The following FAM131B variants were observed in gnomAD, a reference collection of about 807,000 sequenced individuals.
FAM131B encodes the protein family with sequence similarity 131 member B.
A neutral mutation model predicts 42.0 loss-of-function variants in FAM131B; 19 were observed. The ratio of observed to expected loss-of-function variants is 0.45; its 90% CI spans 0.32 to 0.66. The LOEUF is 0.66. Among genes scored for constraint, FAM131B ranks in the 30% least tolerant of loss-of-function variants. The pLI, the probability that FAM131B is intolerant of heterozygous loss-of-function variation, is 0.05. For missense variants in FAM131B, 370 were observed against 468.4 expected, an observed-to-expected ratio of 0.79 and a Z score of 1.94; for synonymous variants, 183 against 177.6, an observed-to-expected ratio of 1.03 and a Z score of -0.24.
intron 5 of FAM131B, among the ~76,000 whole-genome samples, chr7:143,357,679 G>T (rs933434648): frequency 6.6e-5 from 10 of 152,140 alleles, no homozygotes; most frequent in Non-Finnish European, 1.5e-4. Flanking sequence ...AGTTATTAAT[G>T]AGATATTTTA....
At chr7:143,370,892 T>A in the FAM131B span, among the ~76,000 whole-genome samples, 1 of 152,156 alleles carries the variant, frequency 6.6e-6, no homozygotes, top group Non-Finnish European at 1.5e-5. Context: ...GATTGGGACT[T>A]CTTTCCAGTA....
the FAM131B span, chr7:143,382,278 G>A: frequency 2.6e-5 from 42 of 1,612,866 alleles, no homozygotes; most frequent in Non-Finnish European, 3.4e-5. Flanking sequence ...CCCCTTGCTG[G>A]GGATGGCGAC....
rs1051369841 is a variant in FAM131B at position 143,358,838 on chromosome 7, C to T, written c.455G>A (p.Arg152His). Residue 152 changes from arginine (R) to histidine (H), a missense_variant, in exon 5 of 7, where the codon CGT (arginine) becomes CAT (histidine). Coordinates refer to ENST00000443739, the MANE Select transcript of FAM131B (RefSeq NM_001031690.3). This position sits in a 1 kb window ranked among gnomAD's most constrained non-coding sequence, Gnocchi z 4.7. ...SDLSDGEKEARFLAGVMEQFA... is the reference protein window; with the variant it reads ...SDLSDGEKEAHFLAGVMEQFA... ...TAGGGTACCTGTACCTGCTAGAAAACGTGCCTCCTTCTCGCCATCGCTGAG... is the reference window on the plus strand; with the variant it reads ...TAGGGTACCTGTACCTGCTAGAAAATGTGCCTCCTTCTCGCCATCGCTGAG... 6.2e-7 allele frequency: 1 copy of T among 1,613,972 alleles called. No homozygotes were observed. The highest frequency in any genetic ancestry group is 8.5e-7 in the Non-Finnish European group (1 of 1,179,954).
At chr7:143,379,527 A>C in the FAM131B span, among the ~76,000 whole-genome samples, 1 of 152,202 alleles carries the variant, frequency 6.6e-6, no homozygotes, top group African/African-American at 2.4e-5. Flanking sequence ...AGACTTAATA[A>C]GGTTGAAGGA....
At chr7:143,375,433 G>T in the FAM131B span, among the ~76,000 whole-genome samples, 9 of 152,102 alleles carry the variant, frequency 5.9e-5, no homozygotes, top group Non-Finnish European at 1.0e-4. Context: ...GACCTGAATA[G>T]GTCCACCTGT....
the FAM131B span, chr7:143,380,031 T>G: frequency 1.0e-6 from 1 of 981,332 alleles, no homozygotes; most frequent in Non-Finnish European, 1.2e-6. The surrounding 1 kb of genome is among the most constrained non-coding windows in gnomAD (Gnocchi z 5.0). Context: ...AGGTGCTCCT[T>G]GCCAGTAGAG....
chr7:143,353,559 T>TTA lies in FAM131B; in HGVS notation c.*2989_*2990dup, dbSNP rs1404314621. 6.6e-6 allele frequency: 1 copy of TTA among 152,456 alleles called. No homozygotes were observed. Among genetic ancestry groups the TTA allele is most frequent in the Non-Finnish European group, 1.5e-5 (1 of 68,026 alleles). The allele number at this position is 152,456 out of a possible 1,614,324, so 9.4% of individuals were successfully genotyped here. ...CCCTTGTGTACATAATCTCTAATAT[T>TTA]TATATATATTGATATAGAATTCTCT... On this transcript the variant is annotated 3_prime_UTR_variant, in exon 7 of 7. Transcript: ENST00000443739.
intron 1 of FAM131B, chr7:143,361,970 G>C: frequency 2.4e-6 from 2 of 849,014 alleles, no homozygotes; most frequent in Non-Finnish European, 2.8e-6. Flanking sequence ...CCCTCCGGGC[G>C]TGGAACCCGG....
At chr7:143,366,703 A>T (rs987984835), upstream of FAM131B, among the ~76,000 whole-genome samples, 1 of 151,446 alleles carries the variant, frequency 6.6e-6, no homozygotes, top group African/African-American at 2.4e-5. Context: ...GACTACAGGC[A>T]CCCGCCACCA....
the FAM131B span, among the ~76,000 whole-genome samples, chr7:143,375,792 G>T: frequency 6.6e-6 from 1 of 152,176 alleles, no homozygotes; most frequent in Non-Finnish European, 1.5e-5. Context: ...CAGCTTCTAG[G>T]CCAGGCTCTC....
chr7:143,371,613 C>CAAAAAAAAAAAAAAA, the FAM131B span, among the ~76,000 whole-genome samples: 7 of 74,990 alleles, frequency 9.3e-5, no homozygotes, highest in African/African-American at 1.5e-4. Context: ...GACCCTGTCT[C>CAAAAAAAAAAAAAAA]AAAAAAAAAA....
At chr7:143,376,857 C>CT in the FAM131B span, among the ~76,000 whole-genome samples, 1 of 152,194 alleles carries the variant, frequency 6.6e-6, no homozygotes, top group South Asian at 2.1e-4. Context: ...TCTCTCCTTT[C>CT]TTTTTTCAGA....
At chr7:143,378,474 C>T in the FAM131B span, among the ~76,000 whole-genome samples, 2 of 151,928 alleles carry the variant, frequency 1.3e-5, no homozygotes, top group Admixed American at 1.3e-4. Flanking sequence ...TTCTTATTTG[C>T]TGTACTTCAC....
At position 143,359,816 on chromosome 7, in the gene FAM131B, T is replaced by G; in HGVS notation, c.139-49A>C. On this transcript the variant is annotated intron_variant, in intron 2 of 6. Coordinates refer to ENST00000443739, the MANE Select transcript of FAM131B (RefSeq NM_001031690.3). This position sits in a 1 kb window ranked among gnomAD's most constrained non-coding sequence, Gnocchi z 5.4. ...TGGGCATCCCAGTCACTCGCAGGAA[T>G]GCAAGGAAGCCCCCTTCCTCAGAGG... The G allele has an allele frequency of 1.3e-6, 2 of 1,531,070 alleles. No homozygotes were observed. 94.8% of individuals were successfully genotyped at this position (1,531,070 alleles called of 1,614,324 possible).
upstream of FAM131B, among the ~76,000 whole-genome samples, chr7:143,367,316 C>A (rs536839004): frequency 2.1e-4 from 32 of 152,284 alleles, no homozygotes; most frequent in Middle Eastern, 6.8e-3. Flanking sequence ...ATGAAAGAGA[C>A]CAGCACAGGA....
rs965890432 is a variant in FAM131B at position 143,354,831 on chromosome 7, G to C, written c.*1719C>G. On this transcript the variant is annotated 3_prime_UTR_variant, in exon 7 of 7. Transcript: ENST00000443739. ...GCTTGCATCCCAGAAGTGTGAGTAA[G>C]AGAGTATGAACTTGATGGCGGGACA... The C allele has an allele frequency of 2.0e-5, 3 of 152,332 alleles. No individual in the cohort carries two copies. Among genetic ancestry groups the C allele is most frequent in the Non-Finnish European group, 4.4e-5 (3 of 68,154 alleles). 9.4% of individuals were successfully genotyped at this position (152,332 alleles called of 1,614,324 possible). A position where few individuals can be genotyped will look rare whatever the true frequency, so the allele number is the denominator to read the frequency against.
the FAM131B span, among the ~76,000 whole-genome samples, chr7:143,379,292 A>G: frequency 2.0e-5 from 3 of 152,346 alleles, no homozygotes; most frequent in African/African-American, 7.2e-5. Context: ...AATCTCCAAC[A>G]TGCACAGGAA....
chr7:143,375,046 C>A, the FAM131B span, among the ~76,000 whole-genome samples: 1 of 152,232 alleles, frequency 6.6e-6, no homozygotes, highest in African/African-American at 2.4e-5. Flanking sequence ...CCTGTCTTTG[C>A]TCATTATTAT....
At position 143,358,562 on chromosome 7, in the gene FAM131B, T is replaced by C. The variant is rs1225391395; in HGVS notation, c.466+265A>G. Among the ~76,000 whole-genome samples the C allele has an allele frequency of 1.3e-5, 2 of 152,206 alleles. No homozygotes were observed. The highest frequency in any genetic ancestry group is 4.8e-5 in the African/African-American group (2 of 41,454). ...GCACTTGAGGGAGTTCAGGTTTGGA[T>C]AGTCCCGTGATGAGGAGAGAAGGCA... is the stretch of plus-strand genomic sequence containing the variant. On this transcript the variant is annotated intron_variant, in intron 5 of 6. Coordinates refer to ENST00000443739, the MANE Select transcript of FAM131B (RefSeq NM_001031690.3). This position sits in a 1 kb window ranked among gnomAD's most constrained non-coding sequence, Gnocchi z 4.7.
Sources: gnomAD v4.1 joint callset for allele counts (sites outside exome capture counted in the v4.1 genomes callset) on GRCh38, gnomAD v4.1.1 for gene constraint, Gnocchi (gnomAD v3.1) non-coding constraint, MANE v1.5 for transcripts, NCBI Gene and HGNC (gene_info 2026-07-23, HGNC 2026-07-21) for gene names.